Variants in TRAPPC9 observed in about 807,000 individuals in gnomAD.
TRAPPC9 encodes the protein IKK2 binding protein.
Under a neutral mutation model 124.0 loss-of-function variants are expected in TRAPPC9, and 83 were observed. The observed-to-expected ratio is 0.67, with a 90% confidence interval of 0.56 to 0.80. The LOEUF (loss-of-function observed/expected upper bound fraction) is 0.80. TRAPPC9 is among the 30% of genes least tolerant of loss of function. TRAPPC9 has a pLI of 0.00. For synonymous variants in TRAPPC9, 638 were observed against 617.5 expected, an observed-to-expected ratio of 1.03 and a Z score of -0.49; for missense variants, 1,302 against 1,508.3, an observed-to-expected ratio of 0.86 and a Z score of 2.27.
intron 19 of TRAPPC9, among the ~76,000 whole-genome samples, chr8:139,988,515 C>T (rs190467932): frequency 1.3e-5 from 2 of 151,768 alleles, no homozygotes; most frequent in Admixed American, 1.3e-4. Flanking sequence ...CCTCAGACGC[C>T]ATCCGGCTTT....
chr8:140,010,232 C>T (rs1239483433), intron 18 of TRAPPC9, among the ~76,000 whole-genome samples: 1 of 152,118 alleles, frequency 6.6e-6, no homozygotes, highest in East Asian at 1.9e-4. Context: ...TTCCCAATAT[C>T]ACACCATCTA....
intron 17 of TRAPPC9, among the ~76,000 whole-genome samples, chr8:140,197,667 T>C (rs554788160): frequency 6.6e-6 from 1 of 152,290 alleles, no homozygotes; most frequent in South Asian, 2.1e-4. Context: ...ATCCAACCCT[T>C]AGGGATATTT....
intron 4 of TRAPPC9, among the ~76,000 whole-genome samples, chr8:140,431,507 T>C (rs2070646141): frequency 6.6e-6 from 1 of 152,018 alleles, no homozygotes; most frequent in African/African-American, 2.4e-5. Flanking sequence ...ATTTCCTGAG[T>C]CTCTCTTCAC....
chr8:140,109,106 T>C (rs1245392459), intron 17 of TRAPPC9, among the ~76,000 whole-genome samples: 1 of 152,142 alleles, frequency 6.6e-6, no homozygotes, highest in Non-Finnish European at 1.5e-5. Flanking sequence ...TTGGATTTTA[T>C]AAAAATTATA....
chr8:140,075,754 T>A (rs1242955050), intron 17 of TRAPPC9, among the ~76,000 whole-genome samples: 1 of 152,204 alleles, frequency 6.6e-6, no homozygotes. Context: ...TGTAGAGGCA[T>A]CCGACACATT....
chr8:139,931,864 ACT>A (rs1190673981), intron 19 of TRAPPC9: 1 of 168,416 alleles, frequency 5.9e-6, no homozygotes, highest in Non-Finnish European at 1.3e-5. Flanking sequence ...GGAAAAGATG[ACT>A]CTGATTTATT....
chr8:140,445,916 C>T (rs189305896), intron 2 of TRAPPC9, among the ~76,000 whole-genome samples: 1 of 152,236 alleles, frequency 6.6e-6, no homozygotes, highest in Admixed American at 6.5e-5. Context: ...GAGTGTCCTG[C>T]AGGGCTGCCC....
chr8:140,212,728 C>G (rs1302498933), intron 17 of TRAPPC9, among the ~76,000 whole-genome samples: 2 of 152,130 alleles, frequency 1.3e-5, no homozygotes, highest in African/African-American at 2.4e-5. Context: ...CATAAGTAAG[C>G]CATCTGGCCC....
intron 16 of TRAPPC9, among the ~76,000 whole-genome samples, chr8:140,227,792 A>G (rs559119038): frequency 1.3e-5 from 2 of 152,368 alleles, no homozygotes; most frequent in Admixed American, 6.5e-5. Flanking sequence ...CACACCCTGC[A>G]AAGTCAGGCA....
At chr8:140,074,036 G>A (rs927668338) in intron 17 of TRAPPC9, among the ~76,000 whole-genome samples, 8 of 152,130 alleles carry the variant, frequency 5.3e-5, no homozygotes, top group Non-Finnish European at 7.3e-5. Context: ...CCCCCATGTC[G>A]CCTTTCATCC....
At chr8:140,229,545 T>A (rs1400358713) in intron 16 of TRAPPC9, among the ~76,000 whole-genome samples, 1 of 151,376 alleles carries the variant, frequency 6.6e-6, no homozygotes, top group Non-Finnish European at 1.5e-5. Flanking sequence ...TGGAATTATA[T>A]ATAGGTGTGA....
chr8:139,880,828 T>C (rs980879040), intron 21 of TRAPPC9, among the ~76,000 whole-genome samples: 1 of 152,202 alleles, frequency 6.6e-6, no homozygotes, highest in Non-Finnish European at 1.5e-5. Flanking sequence ...TCATGCCCCA[T>C]TTCTGGAAAT....
chr8:140,110,934 A>C (rs1191966479), intron 17 of TRAPPC9, among the ~76,000 whole-genome samples: 22 of 11,116 alleles, frequency 2.0e-3, no homozygotes, highest in East Asian at 8.6e-3. Flanking sequence ...CAGCTCCCCC[A>C]AAGCTCCCCC....
intron 20 of TRAPPC9, among the ~76,000 whole-genome samples, chr8:139,909,751 G>A (rs1831588497): frequency 6.6e-6 from 1 of 152,230 alleles, no homozygotes; most frequent in Admixed American, 6.5e-5. Flanking sequence ...GCCTCGGTAA[G>A]CTGTACAATC....
chr8:140,249,559 A>G (rs1045957588), intron 16 of TRAPPC9, among the ~76,000 whole-genome samples: 10 of 127,758 alleles, frequency 7.8e-5, no homozygotes, highest in Non-Finnish European at 1.5e-4. Flanking sequence ...TTTTTCCTTC[A>G]CCCTATTAAA....
chr8:139,836,350 G>C (rs1826346680), intron 21 of TRAPPC9, among the ~76,000 whole-genome samples: 1 of 152,218 alleles, frequency 6.6e-6, no homozygotes, highest in African/African-American at 2.4e-5. Flanking sequence ...CTCCATCTCA[G>C]ACCCCGGAGC....
intron 21 of TRAPPC9, among the ~76,000 whole-genome samples, chr8:139,764,879 G>A (rs533693893): frequency 1.3e-5 from 2 of 152,166 alleles, no homozygotes; most frequent in African/African-American, 4.8e-5. Flanking sequence ...ACACTGAAAC[G>A]TGGCAGCAAG....
At chr8:140,147,317 A>C (rs999846685) in intron 17 of TRAPPC9, among the ~76,000 whole-genome samples, 11 of 152,226 alleles carry the variant, frequency 7.2e-5, no homozygotes, top group Non-Finnish European at 1.3e-4. Flanking sequence ...AATGCCATGA[A>C]TCTCTAAGAT....
rs139414644 is a variant in TRAPPC9, at chr8:140,322,525, A to G, written c.1496-11151T>C. Reference sequence around the variant, plus strand: ...GAGCAAGCACTTTTTAAATAGAGATATGGCTTAAAAAGCCAACAGAAGCCG... The same window carrying G: ...GAGCAAGCACTTTTTAAATAGAGATGTGGCTTAAAAAGCCAACAGAAGCCG... On this transcript the variant is annotated intron_variant, in intron 9 of 22. Transcript: ENST00000438773. Among the ~76,000 whole-genome samples, 68 of 152,330 alleles carry G rather than the reference A, an allele frequency of 4.5e-4. No individual in the cohort carries two copies. The East Asian group carries it at 0.013, about 29-fold the overall frequency.
Sources: allele counts gnomAD v4.1 joint callset (sites outside exome capture counted in the v4.1 genomes callset), GRCh38; gene constraint gnomAD v4.1.1; transcripts MANE v1.5; gene names NCBI Gene and HGNC (gene_info 2026-07-23, HGNC 2026-07-21).